The following PAPPA variants were observed in gnomAD, a reference collection of about 807,000 sequenced individuals.
The protein encoded by PAPPA is pappalysin-1.
PAPPA carries 60 observed loss-of-function variants against 164.0 expected under a neutral mutation model. That is an observed-to-expected ratio of 0.37 (90% CI 0.30 to 0.45). The LOEUF is 0.45. Among genes scored for constraint, PAPPA ranks in the 20% least tolerant of loss-of-function variants. The probability of loss-of-function intolerance (pLI) is 1.00; values close to 1 mark genes in which losing one functional copy is unlikely to be tolerated. For synonymous variants in PAPPA, 875 were observed against 814.1 expected (o/e 1.07, Z -1.27); for missense variants, 1,782 against 2,087.3 (o/e 0.85, Z 2.85).
At chr9:116,190,753 G>C (rs1179927701) in intron 2 of PAPPA, among the ~76,000 whole-genome samples, 1 of 152,230 alleles carries the variant, frequency 6.6e-6, no homozygotes, top group Non-Finnish European at 1.5e-5. Context: ...AGGTTCCAAA[G>C]GCCTCCTCTT....
intron 9 of PAPPA, among the ~76,000 whole-genome samples, chr9:116,295,194 G>A (rs748785825): frequency 2.0e-5 from 3 of 152,112 alleles, no homozygotes; most frequent in South Asian, 2.1e-4. Flanking sequence ...TGAAATCAGA[G>A]ATTTCCAAAA....
At chr9:116,195,380 G>A (rs1329785117) in intron 2 of PAPPA, among the ~76,000 whole-genome samples, 6 of 152,194 alleles carry the variant, frequency 3.9e-5, no homozygotes, top group Non-Finnish European at 8.8e-5. Context: ...CCCTAAAGAT[G>A]AGGTTAATAA....
intron 10 of PAPPA, among the ~76,000 whole-genome samples, chr9:116,325,807 A>G (rs985677666): frequency 6.6e-6 from 1 of 152,206 alleles, no homozygotes; most frequent in African/African-American, 2.4e-5. Context: ...AAATAGGATC[A>G]ATAAGGTACA....
chr9:116,367,445 T>C (rs887189080), intron 18 of PAPPA, among the ~76,000 whole-genome samples, 200 bp from the exon 19 acceptor site: 2 of 152,098 alleles, frequency 1.3e-5, no homozygotes, highest in African/African-American at 4.8e-5. Context: ...CAGGAACCAG[T>C]CAGATGGGAG....
intron 10 of PAPPA, among the ~76,000 whole-genome samples, chr9:116,327,219 C>T (rs993783036): frequency 3.3e-5 from 5 of 152,170 alleles, no homozygotes; most frequent in African/African-American, 1.2e-4. Flanking sequence ...TTCACACCAG[C>T]ATGACAGAGA....
chr9:116,174,524 G>A (rs1432456460), intron 1 of PAPPA, among the ~76,000 whole-genome samples: 3 of 152,136 alleles, frequency 2.0e-5, no homozygotes, highest in Non-Finnish European at 4.4e-5. Context: ...ATGGGTACAG[G>A]TGTTCAGTGC....
rs561826873 is a variant in PAPPA at position 116,197,778 on chromosome 9, G to GT, written c.1478+9568dup. On this transcript the variant is annotated intron_variant, in intron 2 of 21. Transcript: ENST00000328252. The stretch of plus-strand genomic sequence containing the variant: ...TATTGTTTTAATTTTAAATAAATTT[G>GT]TTTTTTGCCTAAGGTTAGGTGATTT... Among the ~76,000 whole-genome samples, 21 of 152,288 alleles carry GT rather than the reference G, an allele frequency of 1.4e-4. No individual in the cohort carries two copies. In the South Asian group the frequency reaches 3.5e-3, roughly 26 times the overall value.
chr9:116,344,617 G>T lies in PAPPA; in HGVS notation c.3686G>T (p.Ser1229Ile), dbSNP rs376417105. The part of the protein sequence containing the change: ...AVENASLNCS[S>I]SDRYHGAQCT... Reference sequence around the variant, plus strand: ...GAGAATGCTTCTCTCAATTGCTCCAGCAGCGACCGCTACCACGGTGCCCAG... The same window carrying T: ...GAGAATGCTTCTCTCAATTGCTCCATCAGCGACCGCTACCACGGTGCCCAG... Residue 1229 changes from serine to isoleucine, a missense_variant, in exon 14 of 22, where the codon AGC becomes ATC. Coordinates refer to ENST00000328252, the MANE Select transcript of PAPPA (RefSeq NM_002581.5). The T allele has an allele frequency of 9.3e-6, 15 of 1,614,032 alleles. No individual in the cohort carries two copies. Among genetic ancestry groups the T allele is most frequent in the Non-Finnish European group, 1.2e-5 (14 of 1,180,006 alleles).
intron 1 of PAPPA, among the ~76,000 whole-genome samples, chr9:116,173,322 C>G (rs1422373478): frequency 6.6e-6 from 1 of 151,982 alleles, no homozygotes; most frequent in Admixed American, 6.6e-5. Context: ...CACATTTCAC[C>G]CTCTTCATTA....
At chr9:116,276,281 A>AGG (rs1434386455) in intron 9 of PAPPA, among the ~76,000 whole-genome samples, 2 of 152,218 alleles carry the variant, frequency 1.3e-5, no homozygotes, top group African/African-American at 4.8e-5. Context: ...GGTCCCCAAA[A>AGG]GGGGTTATAC....
At chr9:116,341,516 T>A (rs886858131) in intron 13 of PAPPA, among the ~76,000 whole-genome samples, 1 of 152,198 alleles carries the variant, frequency 6.6e-6, no homozygotes, top group Non-Finnish European at 1.5e-5. Context: ...TCCTCATGGA[T>A]CCTTCTATAC....
At position 116,355,305 on chromosome 9, in the gene PAPPA, C is replaced by T. The variant is rs139090496; in HGVS notation, c.4347+1512C>T. Among the ~76,000 whole-genome samples the T allele has an allele frequency of 4.3e-3, 662 of 152,346 alleles. 6 individuals are homozygous for T. The highest frequency in any genetic ancestry group is 6.8e-3 in the Non-Finnish European group (462 of 68,030). The stretch of plus-strand genomic sequence containing the variant: ...CTGCAATGAACATCAAAGGCAGGTT[C>T]CTCCTTTTACAGATGAGAAAACCAA... On this transcript the variant is annotated intron_variant, in intron 17 of 21. Coordinates refer to ENST00000328252, the MANE Select transcript of PAPPA (RefSeq NM_002581.5).
At chr9:116,392,540 C>T (rs1008946695) in intron 21 of PAPPA, among the ~76,000 whole-genome samples, 1 of 152,178 alleles carries the variant, frequency 6.6e-6, no homozygotes, top group Admixed American at 6.5e-5. Flanking sequence ...TGGTATTCAC[C>T]GCTTGAGCCT....
At chr9:116,377,208 G>GCACACA (rs34081408) in intron 19 of PAPPA, among the ~76,000 whole-genome samples, 1 of 146,072 alleles carries the variant, frequency 6.8e-6, no homozygotes, top group African/African-American at 2.6e-5. Context: ...ACACACACAT[G>GCACACA]CGCACACACA....
At chr9:116,285,171 C>CTTTTTTTTTTTTTTTTTTTTTTTTG in intron 9 of PAPPA, among the ~76,000 whole-genome samples, 1 of 89,494 alleles carries the variant, frequency 1.1e-5, no homozygotes, top group Non-Finnish European at 2.0e-5. Context: ...TTCTTTCTTT[C>CTTTTTTTTTTTTTTTTTTTTTTTTG]TTTTTTTTTT....
chr9:116,325,958 C>A (rs1028269083), intron 10 of PAPPA, among the ~76,000 whole-genome samples: 5 of 152,140 alleles, frequency 3.3e-5, no homozygotes, highest in South Asian at 2.1e-4. Flanking sequence ...ATGATCTCAG[C>A]AGATAACCTA....
At chr9:116,292,613 T>C (rs1352183669) in intron 9 of PAPPA, among the ~76,000 whole-genome samples, 1 of 152,158 alleles carries the variant, frequency 6.6e-6, no homozygotes, top group Admixed American at 6.6e-5. Context: ...GTATTTTTGT[T>C]TTAGATATGT....
intron 9 of PAPPA, among the ~76,000 whole-genome samples, chr9:116,272,884 A>T (rs1485676896): frequency 6.6e-6 from 1 of 152,198 alleles, no homozygotes; most frequent in Non-Finnish European, 1.5e-5. Flanking sequence ...TCTTGGCCTC[A>T]GTTTACCTAC....
At chr9:116,174,738 A>T (rs1209098405) in intron 1 of PAPPA, among the ~76,000 whole-genome samples, 1 of 152,008 alleles carries the variant, frequency 6.6e-6, no homozygotes, top group African/African-American at 2.4e-5. Context: ...AAGAAAAAAT[A>T]ATATAATAAT....
Sources: gnomAD v4.1 joint callset for allele counts (sites outside exome capture counted in the v4.1 genomes callset) on GRCh38, gnomAD v4.1.1 for gene constraint, MANE v1.5 for transcripts, NCBI Gene and HGNC (gene_info 2026-07-23, HGNC 2026-07-21) for gene names.